The following DNAJC1 variants were observed in gnomAD, a reference collection of about 807,000 sequenced individuals.
DNAJC1 encodes DnaJ heat shock protein family (Hsp40) member C1.
In DNAJC1, 58 loss-of-function variants were observed where a neutral mutation model predicts 76.6. The ratio of observed to expected loss-of-function variants is 0.76; its 90% CI spans 0.61 to 0.94. DNAJC1 has a LOEUF of 0.94. DNAJC1 is among the 40% of genes least tolerant of loss of function. The pLI, the probability that DNAJC1 is intolerant of heterozygous loss-of-function variation, is 0.00. For synonymous variants in DNAJC1, 258 were observed against 267.9 expected (o/e 0.96, Z 0.36); for missense variants, 689 against 677.3 (o/e 1.02, Z -0.19).
chr10:21,895,502 T>C (rs149449189), intron 7 of DNAJC1, among the ~76,000 whole-genome samples: 126 of 152,316 alleles, frequency 8.3e-4, no homozygotes, highest in African/African-American at 2.9e-3. Context: ...GGGTGCTTCA[T>C]GGCTTCTCTT....
At chr10:21,946,084 A>T (rs1196191919) in intron 1 of DNAJC1, among the ~76,000 whole-genome samples, 4 of 84,922 alleles carry the variant, frequency 4.7e-5, no homozygotes, top group African/African-American at 2.0e-4. Context: ...TCTGTTGCCC[A>T]GGCTGGAGTG....
intron 1 of DNAJC1, among the ~76,000 whole-genome samples, chr10:21,954,973 T>C (rs11012835): frequency 3.3e-5 from 5 of 152,282 alleles, no homozygotes; most frequent in Admixed American, 2.0e-4. Flanking sequence ...CTTGGCACTA[T>C]TGACATTTCT....
chr10:21,877,583 T>C (rs1271538426), intron 8 of DNAJC1, among the ~76,000 whole-genome samples: 1 of 152,176 alleles, frequency 6.6e-6, no homozygotes, highest in Non-Finnish European at 1.5e-5. Flanking sequence ...TGTTCAGTCT[T>C]ATTCATCAAA....
At chr10:21,782,290 G>C (rs989149040) in intron 9 of DNAJC1, among the ~76,000 whole-genome samples, 2 of 152,138 alleles carry the variant, frequency 1.3e-5, no homozygotes, top group South Asian at 2.1e-4. Flanking sequence ...AGAAAATCTA[G>C]AAGAAATGGA....
chr10:21,908,500 T>A (rs943102646), intron 6 of DNAJC1, among the ~76,000 whole-genome samples: 1 of 98,088 alleles, frequency 1.0e-5, no homozygotes, highest in Non-Finnish European at 2.0e-5. Context: ...GGGGGGGGGG[T>A]GAATTCAAGT....
intron 8 of DNAJC1, among the ~76,000 whole-genome samples, chr10:21,825,007 C>G (rs1374451306): frequency 6.6e-6 from 1 of 152,086 alleles, no homozygotes; most frequent in Non-Finnish European, 1.5e-5. Context: ...AATTCCTGAC[C>G]TCAGGTGGAT....
chr10:21,920,635 G>A (rs1564827615), intron 4 of DNAJC1, 163 bp downstream of exon 4: 2 of 560,178 alleles, frequency 3.6e-6, no homozygotes. Context: ...CTTATTTCAT[G>A]GGTTCTTCTT....
chr10:21,988,662 T>C (rs1007033385), intron 1 of DNAJC1, among the ~76,000 whole-genome samples: 1 of 152,164 alleles, frequency 6.6e-6, no homozygotes, highest in Non-Finnish European at 1.5e-5. Flanking sequence ...TTAGTGAGGG[T>C]TAGCCTCATT....
chr10:21,999,108 T>C (rs867130521), intron 1 of DNAJC1, among the ~76,000 whole-genome samples: 1 of 152,208 alleles, frequency 6.6e-6, no homozygotes, highest in South Asian at 2.1e-4. Flanking sequence ...CTCTGCCTTC[T>C]AGTTTAGGAT....
intron 8 of DNAJC1, among the ~76,000 whole-genome samples, chr10:21,837,088 T>A (rs1835473174): frequency 6.6e-6 from 1 of 152,210 alleles, no homozygotes. Context: ...TATTCGTATT[T>A]TTTTGGTGGA....
intron 8 of DNAJC1, among the ~76,000 whole-genome samples, chr10:21,834,977 T>A (rs1835425367): frequency 6.6e-6 from 1 of 151,648 alleles, no homozygotes; most frequent in African/African-American, 2.4e-5. Context: ...TTGAAGAGAG[T>A]AGTGGTTCTC....
intron 7 of DNAJC1, among the ~76,000 whole-genome samples, chr10:21,896,950 A>G (rs1315059523): frequency 6.6e-6 from 1 of 152,176 alleles, no homozygotes; most frequent in Non-Finnish European, 1.5e-5. Context: ...CCTTGTGAGG[A>G]CATGTGTTTG....
chr10:21,871,340 G>GGA (rs1836101682), intron 8 of DNAJC1, among the ~76,000 whole-genome samples: 1 of 98,928 alleles, frequency 1.0e-5, no homozygotes. Context: ...TAGAAGCGGG[G>GGA]AAAAAAAAAA....
chr10:21,893,902 A>T (rs1836496671), intron 7 of DNAJC1, among the ~76,000 whole-genome samples: 1 of 152,144 alleles, frequency 6.6e-6, no homozygotes, highest in Non-Finnish European at 1.5e-5. Flanking sequence ...CTTTGAAAAG[A>T]TCAACAACTG....
intron 6 of DNAJC1, among the ~76,000 whole-genome samples, chr10:21,906,578 G>A (rs1205428541): frequency 6.6e-6 from 1 of 152,156 alleles, no homozygotes; most frequent in African/African-American, 2.4e-5. Context: ...AGTTATTTAT[G>A]AGAGGTAAAA....
At chr10:21,942,917 T>C (rs1198311564) in intron 1 of DNAJC1, among the ~76,000 whole-genome samples, 1 of 151,772 alleles carries the variant, frequency 6.6e-6, no homozygotes, top group South Asian at 2.1e-4. Context: ...ACAAAGGAAG[T>C]CTTAATTCTA....
intron 8 of DNAJC1, among the ~76,000 whole-genome samples, chr10:21,851,607 CCAT>C (rs1476845130): frequency 1.3e-5 from 2 of 152,124 alleles, no homozygotes; most frequent in Admixed American, 6.5e-5. Context: ...CATAAAATTA[CCAT>C]CATCACCTAG....
intron 1 of DNAJC1, among the ~76,000 whole-genome samples, chr10:21,984,695 T>A (rs984175691): frequency 2.6e-5 from 4 of 152,220 alleles, no homozygotes; most frequent in Non-Finnish European, 5.9e-5. Context: ...GCTTTCAGCA[T>A]TATTATTTGG....
rs567340625 is a variant in DNAJC1, at chr10:21,941,757, A to AT, written c.223-12617dup. 2.2e-4 allele frequency among the ~76,000 whole-genome samples: 33 copies of AT among 152,278 alleles called. No individual in the cohort carries two copies. In the East Asian group the frequency reaches 6.2e-3, roughly 28 times the overall value. ...ATTCTTAAAACAGAAGAAATATGCC[A>AT]TAAGAGACAACCTAATAGTGGCCTA... On this transcript the variant is annotated intron_variant, in intron 1 of 11. Transcript: ENST00000376980.
Sources: gnomAD v4.1 joint callset for allele counts (sites outside exome capture counted in the v4.1 genomes callset) on GRCh38, gnomAD v4.1.1 for gene constraint, MANE v1.5 for transcripts, NCBI Gene and HGNC (gene_info 2026-07-23, HGNC 2026-07-21) for gene names.